The following NLRC5 variants were observed in gnomAD, a reference collection of about 807,000 sequenced individuals.
The protein encoded by NLRC5 is protein NLRC5.
NLRC5 carries 114 observed loss-of-function variants against 206.9 expected under a neutral mutation model. The ratio of observed to expected loss-of-function variants is 0.55; its 90% CI spans 0.47 to 0.64. The LOEUF is 0.64. Among genes scored for constraint, NLRC5 ranks in the 30% least tolerant of loss-of-function variants. The pLI is 0.00. For missense variants in NLRC5, 2,008 were observed against 2,305.5 expected (o/e 0.87, Z 2.64); for synonymous variants, 952 against 962.8 (o/e 0.99, Z 0.21).
intron 36 of NLRC5, among the ~76,000 whole-genome samples, chr16:57,068,168 G>C (rs901288665): frequency 9.2e-5 from 14 of 152,328 alleles, no homozygotes; most frequent in Admixed American, 5.9e-4. Flanking sequence ...GGTGGCTCAT[G>C]TCTGTAATCC....
Position 57,026,988 on chromosome 16 carries a change from T to C in NLRC5, c.2045T>C (p.Leu682Pro). ...CTGGAGCCCCACTGCCCTGAGGCTC[T>C]GGTAGGCTGTGGGCAGATAGAGAAT... ...CPLEPHCPEA[L>P]VGCGQIENLS... The change falls in exon 6 of 49, where the codon CTG becomes CCG. Residue 682 changes from leucine to proline, a missense_variant. Physicochemically the swap from Leu to Pro is moderately conservative, Grantham distance 98. Transcript: ENST00000688547. 1 of 1,614,056 alleles carries C rather than the reference T, an allele frequency of 6.2e-7. No homozygotes were observed. The highest frequency in any genetic ancestry group is 8.5e-7 in the Non-Finnish European group (1 of 1,179,962).
intron 3 of NLRC5, among the ~76,000 whole-genome samples, chr16:57,021,664 C>A (rs1368375284): frequency 2.6e-5 from 4 of 152,198 alleles, no homozygotes; most frequent in Admixed American, 6.5e-5. Flanking sequence ...AGCCATCACA[C>A]CTGGCTAGAG....
chr16:57,030,485 T>G (rs1475133229), intron 10 of NLRC5, among the ~76,000 whole-genome samples: 1 of 136,030 alleles, frequency 7.4e-6, no homozygotes. Flanking sequence ...GATGGGTGGA[T>G]GAAAAGATGG....
intron 30 of NLRC5, among the ~76,000 whole-genome samples, chr16:57,060,147 T>G (rs1023736336): frequency 2.0e-5 from 3 of 151,798 alleles, no homozygotes; most frequent in Non-Finnish European, 4.4e-5. Flanking sequence ...GCCTCCAAAC[T>G]GATCCCTGCA....
intron 24 of NLRC5, among the ~76,000 whole-genome samples, chr16:57,054,360 A>C (rs1172308589): frequency 6.6e-6 from 1 of 152,080 alleles, no homozygotes; most frequent in African/African-American, 2.4e-5. Context: ...GTGAGCAAGG[A>C]CTCGCCTGTG....
At chr16:57,006,413 CTTT>C (rs58713490) in intron 1 of NLRC5, among the ~76,000 whole-genome samples, 3 of 90,818 alleles carry the variant, frequency 3.3e-5, no homozygotes, top group Admixed American at 1.5e-4. Flanking sequence ...TCTTCATCCT[CTTT>C]TTTTTTTTTT....
At chr16:57,048,952 G>A (rs2064407352) in intron 23 of NLRC5, among the ~76,000 whole-genome samples, 1 of 152,144 alleles carries the variant, frequency 6.6e-6, no homozygotes, top group Admixed American at 6.6e-5. Context: ...AATTGCCACA[G>A]TACGGGACGA....
At chr16:57,067,616 G>A in intron 35 of NLRC5, 120 bp from the exon 36 acceptor site, 4 of 1,316,006 alleles carry the variant, frequency 3.0e-6, no homozygotes, top group Non-Finnish European at 4.3e-6. Context: ...AGAGCCCCAG[G>A]GTGGCTCAGG....
intron 27 of NLRC5, among the ~76,000 whole-genome samples, chr16:57,055,875 G>A (rs749829772): frequency 1.1e-4 from 16 of 152,176 alleles, no homozygotes; most frequent in Non-Finnish European, 1.8e-4. Context: ...GAGGAGGGAC[G>A]CAGAGCCAGC....
At chr16:56,995,093 G>A (rs1441483791) in intron 1 of NLRC5, among the ~76,000 whole-genome samples, 1 of 152,200 alleles carries the variant, frequency 6.6e-6, no homozygotes, top group Non-Finnish European at 1.5e-5. Flanking sequence ...AGAATCGCTT[G>A]AACCTGAGAG....
At chr16:57,063,206 G>C (rs551388439) in intron 32 of NLRC5, among the ~76,000 whole-genome samples, 11 of 149,118 alleles carry the variant, frequency 7.4e-5, no homozygotes, top group African/African-American at 2.5e-4. Context: ...TCCACCTCTT[G>C]GGTTCAAGCG....
In NLRC5 at chr16:57,036,123, A is replaced by C; in HGVS notation, c.2651A>C (p.Asp884Ala). Residue 884 changes from aspartate to alanine, a missense_variant, in exon 14 of 49, where the codon GAT becomes GCT. Asp to Ala is a moderately radical substitution (Grantham distance 126). Transcript: ENST00000688547. ...AGCCTCTCAGGGAACCAGCTGGAAGATGAAGGCTGTCGGCTGATGGCAGAG... is the reference window on the plus strand; with the variant it reads ...AGCCTCTCAGGGAACCAGCTGGAAGCTGAAGGCTGTCGGCTGATGGCAGAG... The part of the protein sequence containing the change: ...EVDLSGNQLE[D>A]EGCRLMAEAA... 2 of 1,613,730 alleles carry C rather than the reference A, an allele frequency of 1.2e-6. No individual in the cohort carries two copies. Among genetic ancestry groups the C allele is most frequent in the Non-Finnish European group, 1.7e-6 (2 of 1,180,016 alleles).
intron 18 of NLRC5, 21 bp from the exon 19 acceptor site, chr16:57,041,961 C>A: frequency 6.5e-7 from 1 of 1,541,232 alleles, no homozygotes. Flanking sequence ...ATGTTCTCCC[C>A]TCCCTTCTCC....
intron 19 of NLRC5, among the ~76,000 whole-genome samples, chr16:57,042,866 G>A (rs2063465594): frequency 6.6e-6 from 1 of 152,170 alleles, no homozygotes; most frequent in Non-Finnish European, 1.5e-5. Context: ...TGCAATGCTG[G>A]GAAGGAAGGG....
rs1324146717 is a variant in NLRC5, at chr16:57,020,802, C to T, written c.90C>T (p.Ala30=). The change falls in exon 3 of 49, where the codon GCC becomes GCT. Residue 30 remains alanine, a synonymous_variant. Coordinates refer to ENST00000688547, the MANE Select transcript of NLRC5 (RefSeq NM_001384950.1). ...CCAAAGACCCAGAATGGCTGAACGC[C>T]AAGATGAAGTTCTTCCTCCCCAACA... ...LLTKDPEWLN[A]KMKFFLPNTD... is the part of the protein sequence containing the mutation. The T allele has an allele frequency of 1.9e-6, 3 of 1,613,104 alleles. No individual in the cohort carries two copies. The highest frequency in any genetic ancestry group is 2.5e-6 in the Non-Finnish European group (3 of 1,179,858).
chr16:57,036,705 T>G (rs4783967), intron 14 of NLRC5, among the ~76,000 whole-genome samples: 70,466 of 151,272 alleles, frequency 0.47, 16,824 homozygotes, highest in Non-Finnish European at 0.5. Flanking sequence ...GTGGGTCGGG[T>G]TTGGGGAGTG....
chr16:57,007,255 C>G (rs150463479), intron 1 of NLRC5, among the ~76,000 whole-genome samples: 164 of 152,348 alleles, frequency 1.1e-3, no homozygotes, highest in African/African-American at 3.6e-3. Flanking sequence ...AAAATATACA[C>G]ACTCCACGTC....
At chr16:57,030,570 G>A (rs1318608842) in intron 10 of NLRC5, among the ~76,000 whole-genome samples, 6 of 151,574 alleles carry the variant, frequency 4.0e-5, no homozygotes, top group Admixed American at 1.3e-4. Flanking sequence ...ATGAATGGAT[G>A]GATGGATAGA....
chr16:57,066,256 G>A lies in NLRC5; in HGVS notation c.4242-278G>A, dbSNP rs181828544. Among the ~76,000 whole-genome samples the A allele has an allele frequency of 3.0e-3, 460 of 151,878 alleles. 5 individuals carry two copies. Among genetic ancestry groups the A allele is most frequent in the Non-Finnish European group, 3.5e-3 (239 of 67,954 alleles). ...TTCAAGGCTGCAGTGAGCTATGATC[G>A]TGCCCACCACTGCACTTCAGCCTGG... On this transcript the variant is annotated intron_variant, in intron 33 of 48. Transcript: ENST00000688547.
Sources: allele counts gnomAD v4.1 joint callset (sites outside exome capture counted in the v4.1 genomes callset), GRCh38; gene constraint gnomAD v4.1.1; transcripts MANE v1.5; gene names NCBI Gene and HGNC (gene_info 2026-07-23, HGNC 2026-07-21).